The following ATXN2L variants were observed in gnomAD, a reference collection of about 807,000 sequenced individuals.
ATXN2L encodes ataxin 2 like.
In ATXN2L, 24 loss-of-function variants were observed where a neutral mutation model predicts 120.7. The ratio of observed to expected loss-of-function variants is 0.20; its 90% CI spans 0.14 to 0.28. The LOEUF (loss-of-function observed/expected upper bound fraction) is 0.28. Ranked by LOEUF, ATXN2L falls within the 10% of genes least tolerant of loss-of-function variation. The pLI is 1.00. For synonymous variants in ATXN2L, 653 were observed against 568.1 expected (o/e 1.15, Z -2.13); for missense variants, 1,312 against 1,432.3 (o/e 0.92, Z 1.36).
intron 6 of ATXN2L, 108 bp from the exon 7 acceptor site, chr16:28,829,293 G>A: frequency 1.3e-6 from 1 of 778,116 alleles, no homozygotes; most frequent in Non-Finnish European, 2.3e-6. Context: ...TTCAGCCACT[G>A]TGCCCAGCCA....
chr16:28,836,789 G>C lies in ATXN2L; in HGVS notation c.*524G>C. The stretch of plus-strand genomic sequence containing the variant: ...CCCCGGGGAACTGAAGATTGTCCTG[G>C]CCGCGACCTGAGACCTCCATGAGTG... On this transcript the variant is annotated 3_prime_UTR_variant, in exon 22 of 22. Transcript: ENST00000336783. 2 of 1,613,890 alleles carry C rather than the reference G, an allele frequency of 1.2e-6. No individual in the cohort carries two copies. The highest frequency in any genetic ancestry group is 8.5e-7 in the Non-Finnish European group (1 of 1,179,926).
intron 21 of ATXN2L, 26 bp from the exon 22 acceptor site, chr16:28,835,907 C>T (rs772951140): frequency 5.2e-6 from 8 of 1,550,498 alleles, no homozygotes; most frequent in Non-Finnish European, 7.0e-6. Flanking sequence ...CTGTGGTCTT[C>T]CCGGCTACTT....
Position 28,832,324 on chromosome 16 carries a change from A to T in ATXN2L, c.1441A>T (p.Thr481Ser), listed in dbSNP as rs930894018. 1 of 1,614,030 alleles carries T rather than the reference A, an allele frequency of 6.2e-7. No individual in the cohort carries two copies. Among genetic ancestry groups the T allele is most frequent in the African/African-American group, 1.3e-5 (1 of 74,988 alleles). ...VPTSSASIPV[T>S]SSVSDPGVGS... ...AACCTCTTCAGCCTCCATCCCTGTG[A>T]CCTCATCAGTCTCAGATCCTGGAGT... Residue 481 changes from threonine to serine, a missense_variant, in exon 11 of 22, where the codon ACC (threonine) becomes TCC (serine). Physicochemically the swap from Thr to Ser is moderately conservative, Grantham distance 58. Transcript: ENST00000336783.
rs975069232 is a variant in ATXN2L at position 28,823,136 on chromosome 16, C to G, written c.-124C>G. 1.3e-5 allele frequency: 7 copies of G among 526,036 alleles called. No homozygotes were observed. In the African/African-American group the frequency reaches 1.4e-4, roughly 10 times the overall value. The allele number at this position is 526,036 out of a possible 1,614,324, so 32.6% of individuals were successfully genotyped here. ...ACCCCCGACACCGCGGGGCTCCCCC[C>G]GCCCGCCCACGGCGGGCCCCGGCTG... On this transcript the variant is annotated 5_prime_UTR_variant, in exon 1 of 22. Coordinates refer to ENST00000336783, the MANE Select transcript of ATXN2L (RefSeq NM_007245.4).
chr16:28,825,648 T>G lies in ATXN2L; in HGVS notation c.361T>G (p.Ser121Ala). 1 of 1,614,212 alleles carries G rather than the reference T, an allele frequency of 6.2e-7. No homozygotes were observed. The highest frequency in any genetic ancestry group is 8.5e-7 in the Non-Finnish European group (1 of 1,180,028). The change falls in exon 3 of 22, where the codon TCC (serine) becomes GCC (alanine). Residue 121 changes from serine (S) to alanine (A), a missense_variant. Ser to Ala is a moderately conservative substitution (Grantham distance 99). Transcript: ENST00000336783. ...SPVFEGVYNN[S>A]RMLHFLTAVV... ...GGTGTTTGAAGGCGTCTACAACAATTCCAGAATGCTGCATTTCCTTACAGC... is the reference window on the plus strand; with the variant it reads ...GGTGTTTGAAGGCGTCTACAACAATGCCAGAATGCTGCATTTCCTTACAGC...
chr16:28,827,069 AAATAT>A, intron 6 of ATXN2L, 83 bp downstream of exon 6: 4 of 1,291,868 alleles, frequency 3.1e-6, no homozygotes, highest in Non-Finnish European at 4.0e-6. Flanking sequence ...GTGGGGAGGG[AAATAT>A]TTACTGTTGC....
At chr16:28,828,399 C>A (rs1276407410) in intron 6 of ATXN2L, among the ~76,000 whole-genome samples, 1 of 152,040 alleles carries the variant, frequency 6.6e-6, no homozygotes, top group African/African-American at 2.4e-5. Context: ...CTAGCCTGAC[C>A]AACGTGGAGA....
rs772084546 is a variant in ATXN2L, at chr16:28,835,729, G to T, written c.2866G>T (p.Gly956Cys). Residue 956 changes from glycine to cysteine, a missense_variant, in exon 21 of 22, where the codon GGC (glycine) becomes TGC (cysteine). Transcript: ENST00000336783. Reference sequence around the variant, plus strand: ...CATCCACCACCAGCAGCTGCCCCACGGCTTCACCAACATGGCCCATGTTAC... The same window carrying T: ...CATCCACCACCAGCAGCTGCCCCACTGCTTCACCAACATGGCCCATGTTAC... ...YAIHHQQLPH[G>C]FTNMAHVTQA... The T allele has an allele frequency of 6.2e-7, 1 of 1,614,060 alleles. No individual in the cohort carries two copies. The highest frequency in any genetic ancestry group is 1.1e-5 in the South Asian group (1 of 91,074).
rs551898029 is a variant in ATXN2L, at chr16:28,835,770, G to T, written c.2895+12G>T. Reference sequence around the variant, plus strand: ...CCCATGTTACCCAGGTAAGAGCCCAGCTGTCCCACTTCTGGGTCTGTTTGC... The same window carrying T: ...CCCATGTTACCCAGGTAAGAGCCCATCTGTCCCACTTCTGGGTCTGTTTGC... On this transcript the variant is annotated intron_variant, in intron 21 of 21. Coordinates refer to ENST00000336783, the MANE Select transcript of ATXN2L (RefSeq NM_007245.4). 91 of 1,613,972 alleles carry T rather than the reference G, an allele frequency of 5.6e-5. 1 individual carries two copies. The South Asian group carries it at 9.1e-4, about 16-fold the overall frequency.
At position 28,825,796 on chromosome 16, in the gene ATXN2L, A is replaced by C. The variant is rs1472168448; in HGVS notation, c.420A>C (p.Lys140Asn). 3.1e-6 allele frequency: 5 copies of C among 1,614,018 alleles called. No individual in the cohort carries two copies. Among genetic ancestry groups the C allele is most frequent in the Non-Finnish European group, 4.2e-6 (5 of 1,179,992 alleles). The change falls in exon 4 of 22, where the codon AAA becomes AAC. Residue 140 changes from lysine to asparagine, a missense_variant. Transcript: ENST00000336783. ...GCTCCACTTGTGATGTAAAGGTGAA[A>C]AATGGTACCACTTATGAGGGTATCT... ...VVGSTCDVKV[K>N]NGTTYEGIFK... is the part of the protein sequence containing the mutation.
chr16:28,830,949 A>T lies in ATXN2L; in HGVS notation c.1211-13A>T. On this transcript the variant is annotated splice_polypyrimidine_tract_variant and intron_variant, in intron 9 of 21. Coordinates refer to ENST00000336783, the MANE Select transcript of ATXN2L (RefSeq NM_007245.4). ...ACATTTTCTTCTCAAAAAAAAAAAA[A>T]AAAACCAAACAGGCCCTTCCCGCAT... 2 of 1,548,004 alleles carry T rather than the reference A, an allele frequency of 1.3e-6. No homozygotes were observed. The highest frequency in any genetic ancestry group is 2.3e-5 in the East Asian group (1 of 44,324).
chr16:28,824,960 G>A (rs576331847), intron 1 of ATXN2L, among the ~76,000 whole-genome samples: 1 of 152,066 alleles, frequency 6.6e-6, no homozygotes, highest in East Asian at 1.9e-4. Context: ...TGTAATGCCA[G>A]CACTTTAGGA....
chr16:28,836,901 A>G lies in ATXN2L; in HGVS notation c.*636A>G, dbSNP rs751357607. The stretch of plus-strand genomic sequence containing the variant: ...CCCCGTTCCCCAGGGGAGCTGGGGA[A>G]TTCCTGCCAAGCACCTTGAATGGGA... On this transcript the variant is annotated 3_prime_UTR_variant, in exon 22 of 22. Coordinates refer to ENST00000336783, the MANE Select transcript of ATXN2L (RefSeq NM_007245.4). 9 of 1,054,738 alleles carry G rather than the reference A, an allele frequency of 8.5e-6. No homozygotes were observed. Among genetic ancestry groups the G allele is most frequent in the Non-Finnish European group, 1.1e-5 (8 of 715,964 alleles). The allele number at this position is 1,054,738 out of a possible 1,614,324, so 65.3% of individuals were successfully genotyped here. A position where few individuals can be genotyped will look rare whatever the true frequency, so the allele number is the denominator to read the frequency against.
chr16:28,828,047 C>T (rs778742587), intron 6 of ATXN2L, among the ~76,000 whole-genome samples: 2 of 152,148 alleles, frequency 1.3e-5, no homozygotes, highest in Admixed American at 6.6e-5. Context: ...TTGTTGTGTG[C>T]TGTTTTCAAA....
At position 28,823,209 on chromosome 16, in the gene ATXN2L, G is replaced by C. The variant is rs899412626; in HGVS notation, c.-51G>C. ...GCTCTCCAGCGGGGCCCCAGCCCCG[G>C]CCCCCTCTCTCCCTCCCTTCTCTCT... On this transcript the variant is annotated 5_prime_UTR_variant, in exon 1 of 22. Transcript: ENST00000336783. 3.2e-6 allele frequency: 4 copies of C among 1,241,136 alleles called. No individual in the cohort carries two copies. The African/African-American group carries it at 6.3e-5, about 20-fold the overall frequency. 76.9% of individuals were successfully genotyped at this position (1,241,136 alleles called of 1,614,324 possible).
chr16:28,834,563 T>C lies in ATXN2L; in HGVS notation c.2303T>C (p.Met768Thr). ...CAGCCAGCCTCAGCCCCGCCGATGA[T>C]GCAGGCCGCCGCGGCTGCTGGCCCG... The part of the protein sequence containing the change: ...QHQPASAPPM[M>T]QAAAAAGPPL... The change falls in exon 18 of 22, where the codon ATG becomes ACG. Residue 768 changes from methionine to threonine, a missense_variant. By Grantham distance (81) the Met-to-Thr change is moderately conservative (BLOSUM62 -1). Transcript: ENST00000336783. The C allele has an allele frequency of 6.2e-7, 1 of 1,612,666 alleles. No individual in the cohort carries two copies. Among genetic ancestry groups the C allele is most frequent in the Non-Finnish European group, 8.5e-7 (1 of 1,179,840 alleles).
intron 6 of ATXN2L, among the ~76,000 whole-genome samples, chr16:28,827,619 C>G (rs1193382634): frequency 6.6e-6 from 1 of 152,190 alleles, no homozygotes; most frequent in Non-Finnish European, 1.5e-5. Context: ...TGCCTGTAGT[C>G]CCAGCTACTT....
At chr16:28,831,608 G>A (rs774582704) in intron 10 of ATXN2L, among the ~76,000 whole-genome samples, 4 of 152,146 alleles carry the variant, frequency 2.6e-5, no homozygotes, top group African/African-American at 4.8e-5. Context: ...GATTACAGGC[G>A]TGAGCCACCA....
chr16:28,830,887 T>G (rs1216490052), intron 9 of ATXN2L, 75 bp from the exon 10 acceptor site: 2 of 1,492,542 alleles, frequency 1.3e-6, no homozygotes, highest in African/African-American at 2.9e-5. Flanking sequence ...GGAATGACGC[T>G]GCATCGGTGG....
Sources: allele counts gnomAD v4.1 joint callset (sites outside exome capture counted in the v4.1 genomes callset), GRCh38; gene constraint gnomAD v4.1.1; transcripts MANE v1.5; gene names NCBI Gene and HGNC (gene_info 2026-07-23, HGNC 2026-07-21).